KIAA1671: variants seen among roughly 807,000 people sequenced by gnomAD.
The protein encoded by KIAA1671 is KIAA1671, also known as uncharacterized protein KIAA1671.
In KIAA1671, 52 loss-of-function variants were observed where a neutral mutation model predicts 131.2. The observed-to-expected ratio is 0.40, with a 90% CI of 0.32 to 0.50. KIAA1671 has a LOEUF of 0.50. Among genes scored for constraint, KIAA1671 ranks in the 20% least tolerant of loss-of-function variants. KIAA1671 has a pLI of 0.73. For synonymous variants in KIAA1671, 1,003 were observed against 961.6 expected (o/e 1.04, Z -0.80); for missense variants, 2,360 against 2,364.2 (o/e 1.00, Z 0.04).
chr22:25,143,289 G>A (rs1288977402), intron 6 of KIAA1671, among the ~76,000 whole-genome samples: 1 of 152,166 alleles, frequency 6.6e-6, no homozygotes, highest in Non-Finnish European at 1.5e-5. Context: ...GGAATGTGTG[G>A]GCCTCCACTC....
chr22:25,041,240 C>G lies in KIAA1671; in HGVS notation c.4110C>G (p.Asp1370Glu). 6.4e-7 allele frequency: 1 copy of G among 1,551,716 alleles called. No homozygotes were observed. The highest frequency in any genetic ancestry group is 8.7e-7 in the Non-Finnish European group (1 of 1,147,006). Residue 1370 changes from aspartate (D) to glutamate (E), a missense_variant, in exon 5 of 13, where the codon GAC becomes GAG. Transcript: ENST00000358431. ...TGTCACCCAAATCGCCCCCCACTGACCAGAAGAAAGGGACCCCAAGGAAAT... is the reference window on the plus strand; with the variant it reads ...TGTCACCCAAATCGCCCCCCACTGAGCAGAAGAAAGGGACCCCAAGGAAAT... ...VRVSPKSPPT[D>E]QKKGTPRKST...
At chr22:25,099,555 T>G (rs1283527582) in intron 6 of KIAA1671, among the ~76,000 whole-genome samples, 2 of 55,490 alleles carry the variant, frequency 3.6e-5, no homozygotes, top group East Asian at 2.9e-4. Context: ...GTTTTTTTTT[T>G]TTTTTTTTTT....
chr22:25,036,288 C>T (rs1433201459), intron 4 of KIAA1671, among the ~76,000 whole-genome samples: 1 of 151,888 alleles, frequency 6.6e-6, no homozygotes, highest in Non-Finnish European at 1.5e-5. Context: ...CCATGTTGGT[C>T]AGGCTGGTCT....
intron 1 of KIAA1671, among the ~76,000 whole-genome samples, chr22:25,004,016 A>G (rs1478456393): frequency 6.7e-6 from 1 of 150,338 alleles, no homozygotes; most frequent in African/African-American, 2.5e-5. Flanking sequence ...ATGGGGTTTC[A>G]CCATGTTGGC....
chr22:25,141,866 A>C (rs1274615355), intron 6 of KIAA1671, among the ~76,000 whole-genome samples: 2 of 152,266 alleles, frequency 1.3e-5, no homozygotes, highest in African/African-American at 4.8e-5. Flanking sequence ...CATTCAGTAG[A>C]TGTGATTTGG....
intron 6 of KIAA1671, among the ~76,000 whole-genome samples, chr22:25,150,583 ACCT>A (rs1933002078): frequency 6.6e-6 from 1 of 152,026 alleles, no homozygotes; most frequent in African/African-American, 2.4e-5. Flanking sequence ...CCTGCTCCTC[ACCT>A]GGACTCTACC....
In KIAA1671 at chr22:25,028,830, G is replaced by A; in HGVS notation, c.831G>A (p.Val277=). 1.3e-6 allele frequency: 2 copies of A among 1,550,974 alleles called. No homozygotes were observed. The highest frequency in any genetic ancestry group is 1.7e-6 in the Non-Finnish European group (2 of 1,146,872). Residue 277 remains valine, a synonymous_variant, in exon 3 of 13, where the codon GTG becomes GTA. Transcript: ENST00000358431. The stretch of plus-strand genomic sequence containing the variant: ...CCACCCCTCCCGAGAAGACGTGGGT[G>A]AGGAAGCCCAGGCCCTTGTCCATGG... The part of the protein sequence containing the change: ...VPPTPPEKTW[V]RKPRPLSMDL...
chr22:25,031,193 A>ATT (rs58221822), intron 3 of KIAA1671, among the ~76,000 whole-genome samples: 64 of 113,304 alleles, frequency 5.6e-4, no homozygotes, highest in East Asian at 1.2e-3. Flanking sequence ...CACCCAGCTA[A>ATT]TTTTTTTTTT....
chr22:25,104,067 C>T (rs1294537133), intron 6 of KIAA1671, among the ~76,000 whole-genome samples: 2 of 152,102 alleles, frequency 1.3e-5, no homozygotes, highest in Non-Finnish European at 2.9e-5. Flanking sequence ...CAACCTCGGC[C>T]TCCTGGGTTC....
In KIAA1671 at chr22:25,040,506, G is replaced by A. The variant is rs1163156716; in HGVS notation, c.3376G>A (p.Asp1126Asn). 9.7e-6 allele frequency: 15 copies of A among 1,551,872 alleles called. No homozygotes were observed. Among genetic ancestry groups the A allele is most frequent in the Admixed American group, 5.9e-5 (3 of 51,008 alleles). The change falls in exon 5 of 13, where the codon GAT (aspartate) becomes AAT (asparagine). Residue 1126 changes from aspartate (D) to asparagine (N), a missense_variant. Transcript: ENST00000358431. ...SLDPFNGRIIDVDALWSHRGS... is the reference protein window; with the variant it reads ...SLDPFNGRIINVDALWSHRGS... ...GGACCCTTTCAATGGAAGAATCATT[G>A]ATGTGGATGCCTTATGGAGTCATCG...
In KIAA1671 at chr22:25,195,170, C is replaced by T. The variant is rs530600419; in HGVS notation, c.*2769C>T. On this transcript the variant is annotated 3_prime_UTR_variant, in exon 13 of 13. Transcript: ENST00000358431. ...AATCCTCTATATGTACAATCTCTCT[C>T]CCCCTCATTTCTCTTCCTCCTCACC... 6.6e-6 allele frequency: 1 copy of T among 152,098 alleles called. No individual in the cohort carries two copies. Among genetic ancestry groups the T allele is most frequent in the East Asian group, 1.9e-4 (1 of 5,196 alleles). The allele number at this position is 152,098 out of a possible 1,614,324, so 9.4% of individuals were successfully genotyped here.
intron 1 of KIAA1671, among the ~76,000 whole-genome samples, chr22:25,005,192 A>G (rs1203274552): frequency 6.8e-6 from 1 of 148,124 alleles, no homozygotes; most frequent in Non-Finnish European, 1.5e-5. Flanking sequence ...TACTAAAACT[A>G]CAAAAATTAG....
intron 3 of KIAA1671, among the ~76,000 whole-genome samples, chr22:25,030,117 C>G (rs1318816262): frequency 3.3e-5 from 5 of 152,196 alleles, no homozygotes; most frequent in African/African-American, 7.2e-5. Flanking sequence ...TAATGATACT[C>G]TAAGTCAGTT....
chr22:24,993,042 C>A (rs1479323330), intron 1 of KIAA1671, among the ~76,000 whole-genome samples: 1 of 151,874 alleles, frequency 6.6e-6, no homozygotes, highest in Non-Finnish European at 1.5e-5. Context: ...CTCAGACTCC[C>A]AGTTGCCAGG....
At chr22:25,122,467 A>G (rs1931989843) in intron 6 of KIAA1671, among the ~76,000 whole-genome samples, 2 of 152,220 alleles carry the variant, frequency 1.3e-5, no homozygotes, top group Admixed American at 6.5e-5. Context: ...AAAAGTGGGT[A>G]TAAATGTGAC....
chr22:25,005,985 A>C (rs1924729628), intron 1 of KIAA1671, among the ~76,000 whole-genome samples: 1 of 152,126 alleles, frequency 6.6e-6, no homozygotes. Flanking sequence ...GAGTGCTTGA[A>C]ATGACACCTG....
intron 6 of KIAA1671, among the ~76,000 whole-genome samples, chr22:25,151,781 C>T (rs527635060): frequency 6.6e-6 from 1 of 151,872 alleles, no homozygotes; most frequent in Non-Finnish European, 1.5e-5. Flanking sequence ...CTCTGTTGCC[C>T]GGGCAGGAGT....
At chr22:25,065,578 C>CA (rs1356721907) in intron 6 of KIAA1671, among the ~76,000 whole-genome samples, 2 of 152,046 alleles carry the variant, frequency 1.3e-5, no homozygotes, top group African/African-American at 2.4e-5. Flanking sequence ...AAACAACACT[C>CA]AAACAAAATT....
intron 1 of KIAA1671, among the ~76,000 whole-genome samples, chr22:24,999,966 C>G (rs530335117): frequency 6.6e-6 from 1 of 151,866 alleles, no homozygotes; most frequent in African/African-American, 2.4e-5. Flanking sequence ...TTCAGTGTAA[C>G]CTCTGCCTCC....
Sources: gnomAD v4.1 joint callset for allele counts (sites outside exome capture counted in the v4.1 genomes callset) on GRCh38, gnomAD v4.1.1 for gene constraint, MANE v1.5 for transcripts, NCBI Gene and HGNC (gene_info 2026-07-23, HGNC 2026-07-21) for gene names.